DRAM1: variants seen among roughly 807,000 people sequenced by gnomAD.
DRAM1 encodes DNA damage regulated autophagy modulator 1.
Under a neutral mutation model 28.5 loss-of-function variants are expected in DRAM1, and 25 were observed. The observed-to-expected ratio is 0.88, with a 90% CI of 0.64 to 1.23. DRAM1 has a LOEUF of 1.23. Among genes scored for constraint, DRAM1 ranks in the 50% most tolerant of loss-of-function variants. The probability of loss-of-function intolerance (pLI) is 0.00; values close to 1 mark genes in which losing one functional copy is unlikely to be tolerated. For synonymous variants in DRAM1, 113 were observed against 114.2 expected (o/e 0.99, Z 0.07); for missense variants, 249 against 299.2 (o/e 0.83, Z 1.24).
At position 101,922,804 on chromosome 12, in the gene DRAM1, A is replaced by G. The variant is rs1874532853; in HGVS notation, c.*1544A>G. ...CAGAGATACACCTTTGTAAGAAAAC[A>G]TTAAGAATGCTGGCTGGCTGTGGTG... is the stretch of plus-strand genomic sequence containing the variant. On this transcript the variant is annotated 3_prime_UTR_variant, in exon 7 of 7. Transcript: ENST00000258534. The G allele has an allele frequency of 6.6e-6, 1 of 152,252 alleles. No individual in the cohort carries two copies. The highest frequency in any genetic ancestry group is 2.4e-5 in the African/African-American group (1 of 41,460). The allele number at this position is 152,252 out of a possible 1,614,324, so 9.4% of individuals were successfully genotyped here.
chr12:101,922,473 A>G lies in DRAM1; in HGVS notation c.*1213A>G, dbSNP rs1370653756. 1 of 152,378 alleles carries G rather than the reference A, an allele frequency of 6.6e-6. No homozygotes were observed. Among genetic ancestry groups the G allele is most frequent in the Non-Finnish European group, 1.5e-5 (1 of 68,140 alleles). 9.4% of individuals were successfully genotyped at this position (152,378 alleles called of 1,614,324 possible). On this transcript the variant is annotated 3_prime_UTR_variant, in exon 7 of 7. Coordinates refer to ENST00000258534, the MANE Select transcript of DRAM1 (RefSeq NM_018370.3). ...GCCCTCAAGGGCACATGCCAAGGGCAGAGCAGCCCATGTAGACAGCTTCGG... is the reference window on the plus strand; with the variant it reads ...GCCCTCAAGGGCACATGCCAAGGGCGGAGCAGCCCATGTAGACAGCTTCGG...
intron 1 of DRAM1, among the ~76,000 whole-genome samples, chr12:101,896,550 G>T (rs1873380529): frequency 6.6e-6 from 1 of 151,964 alleles, no homozygotes; most frequent in Non-Finnish European, 1.5e-5. Flanking sequence ...GATTGCTTGA[G>T]CTCAGGACTT....
intron 1 of DRAM1, among the ~76,000 whole-genome samples, chr12:101,896,786 C>A (rs1471870560): frequency 6.6e-6 from 1 of 151,400 alleles, no homozygotes; most frequent in African/African-American, 2.4e-5. Flanking sequence ...GTTCAGTTTT[C>A]TTTTTCTTTT....
intron 3 of DRAM1, among the ~76,000 whole-genome samples, chr12:101,907,599 C>T (rs911569429): frequency 5.9e-5 from 9 of 151,476 alleles, no homozygotes; most frequent in African/African-American, 2.2e-4. Context: ...ATTAGCCGGG[C>T]GTGGTGGCAC....
intron 3 of DRAM1, among the ~76,000 whole-genome samples, chr12:101,904,823 A>G (rs1873743941): frequency 6.6e-6 from 1 of 152,186 alleles, no homozygotes; most frequent in South Asian, 2.1e-4. Flanking sequence ...GTTTCTAAAA[A>G]GCAATCCAGA....
chr12:101,900,224 CA>C (rs1172266641), intron 2 of DRAM1, among the ~76,000 whole-genome samples: 6 of 152,088 alleles, frequency 3.9e-5, no homozygotes, highest in Non-Finnish European at 8.8e-5. Context: ...ACATCATACA[CA>C]AAAACCAATT....
At chr12:101,912,637 C>G (rs780483082) in intron 4 of DRAM1, among the ~76,000 whole-genome samples, 1 of 152,094 alleles carries the variant, frequency 6.6e-6, no homozygotes, top group Non-Finnish European at 1.5e-5. Flanking sequence ...GAATCAGAAG[C>G]ATTAAACTCT....
intron 1 of DRAM1, among the ~76,000 whole-genome samples, chr12:101,889,411 C>A (rs980795927): frequency 6.6e-6 from 1 of 152,014 alleles, no homozygotes; most frequent in African/African-American, 2.4e-5. Context: ...GTTTTCCTTT[C>A]TCTTTCTTTT....
intron 5 of DRAM1, among the ~76,000 whole-genome samples, chr12:101,918,630 G>A (rs992362205): frequency 2.0e-5 from 3 of 152,230 alleles, no homozygotes; most frequent in African/African-American, 4.8e-5. Flanking sequence ...GAGCTGCCCT[G>A]TGATCCAGCA....
At chr12:101,885,387 G>A (rs1313910700) in intron 1 of DRAM1, among the ~76,000 whole-genome samples, 2 of 152,066 alleles carry the variant, frequency 1.3e-5, no homozygotes, top group Non-Finnish European at 2.9e-5. Flanking sequence ...CTGCTACTAC[G>A]AAACCCTGCC....
intron 3 of DRAM1, among the ~76,000 whole-genome samples, chr12:101,904,885 A>G (rs1316357169): frequency 1.3e-5 from 2 of 151,998 alleles, no homozygotes; most frequent in African/African-American, 4.8e-5. Flanking sequence ...TCTAAACATC[A>G]TTTCCCTGCT....
intron 2 of DRAM1, 63 bp from the exon 3 acceptor site, chr12:101,901,228 T>C: frequency 2.6e-6 from 4 of 1,553,812 alleles, no homozygotes; most frequent in South Asian, 1.2e-5. Flanking sequence ...ACAAAGCTGC[T>C]CCTGTTTTTC....
chr12:101,912,241 A>C (rs1342081885), intron 4 of DRAM1, among the ~76,000 whole-genome samples: 1 of 152,224 alleles, frequency 6.6e-6, no homozygotes, highest in Non-Finnish European at 1.5e-5. Flanking sequence ...TTAGAAAATT[A>C]AAAATTACAC....
chr12:101,892,464 G>C (rs1183613837), intron 1 of DRAM1, among the ~76,000 whole-genome samples: 1 of 150,180 alleles, frequency 6.7e-6, no homozygotes, highest in Non-Finnish European at 1.5e-5. Context: ...ATGTTGGCCA[G>C]GCTGGTCTCG....
intron 1 of DRAM1, among the ~76,000 whole-genome samples, chr12:101,891,472 T>C (rs1873124131): frequency 6.6e-6 from 1 of 152,282 alleles, no homozygotes; most frequent in South Asian, 2.1e-4. Flanking sequence ...TTTCTTTGTA[T>C]CGTTTTCATT....
At chr12:101,887,726 C>T (rs1275558122) in intron 1 of DRAM1, among the ~76,000 whole-genome samples, 1 of 151,670 alleles carries the variant, frequency 6.6e-6, no homozygotes, top group African/African-American at 2.4e-5. Flanking sequence ...TTAGTAGAGA[C>T]GGGGGTTTCA....
At chr12:101,896,178 G>A (rs936041278) in intron 1 of DRAM1, among the ~76,000 whole-genome samples, 2 of 152,172 alleles carry the variant, frequency 1.3e-5, no homozygotes, top group Admixed American at 6.5e-5. Context: ...GTGGGCCACT[G>A]TGCCCGGCCC....
intron 1 of DRAM1, chr12:101,890,342 A>AAT: frequency 3.6e-5 from 9 of 247,956 alleles, no homozygotes; most frequent in South Asian, 7.4e-5. Context: ...GGCCTCCCAA[A>AAT]GTGCTGGGAT....
intron 4 of DRAM1, among the ~76,000 whole-genome samples, chr12:101,909,637 C>G (rs1873964095): frequency 6.6e-6 from 1 of 152,106 alleles, no homozygotes; most frequent in African/African-American, 2.4e-5. Flanking sequence ...TATGTTTAGC[C>G]TTTTCTTTTT....
Sources: allele counts gnomAD v4.1 joint callset (sites outside exome capture counted in the v4.1 genomes callset), GRCh38; gene constraint gnomAD v4.1.1; transcripts MANE v1.5; gene names NCBI Gene and HGNC (gene_info 2026-07-23, HGNC 2026-07-21).